The following BPTF variants were observed in gnomAD, a reference collection of about 807,000 sequenced individuals.
BPTF encodes nucleosome-remodeling factor subunit BPTF.
BPTF carries 18 observed loss-of-function variants against 292.5 expected under a neutral mutation model. That is an observed-to-expected ratio of 0.06 (90% CI 0.04 to 0.09). The LOEUF (loss-of-function observed/expected upper bound fraction) is 0.09, where lower values mean the gene tolerates loss of function less well. Ranked by LOEUF, BPTF falls within the 10% of genes least tolerant of loss-of-function variation. The pLI is 1.00. For missense variants in BPTF, 2,726 were observed against 3,498.7 expected, an observed-to-expected ratio of 0.78 and a Z score of 5.57; for synonymous variants, 1,225 against 1,251.9, an observed-to-expected ratio of 0.98 and a Z score of 0.45.
chr17:67,850,140 A>G (rs1231672717), intron 1 of BPTF, among the ~76,000 whole-genome samples: 2 of 152,206 alleles, frequency 1.3e-5, no homozygotes, highest in African/African-American at 2.4e-5. Context: ...ATGGGCTAGC[A>G]CTTTCAAAAC....
At chr17:67,932,120 A>T in intron 18 of BPTF, 101 bp downstream of exon 18, 1 of 961,026 alleles carries the variant, frequency 1.0e-6, no homozygotes, top group East Asian at 2.6e-5. Context: ...TATAATTTTA[A>T]TTAGTACTTC....
intron 3 of BPTF, among the ~76,000 whole-genome samples, chr17:67,870,797 T>C (rs1189457979): frequency 9.3e-6 from 1 of 107,244 alleles, no homozygotes; most frequent in East Asian, 2.5e-4. Flanking sequence ...TGAGACGGAG[T>C]CTCGCTCTGT....
intron 8 of BPTF, 36 bp downstream of exon 8, chr17:67,903,954 C>T (rs374215371): frequency 4.6e-4 from 702 of 1,536,858 alleles, no homozygotes; most frequent in Non-Finnish European, 5.9e-4. Context: ...ATAGTGTTAG[C>T]CATTTCTGAG....
intron 4 of BPTF, among the ~76,000 whole-genome samples, chr17:67,890,796 A>G (rs890145075): frequency 6.6e-6 from 1 of 152,172 alleles, no homozygotes; most frequent in South Asian, 2.1e-4. Flanking sequence ...GTTTTTCTCT[A>G]TTTACTTAAA....
chr17:67,907,746 G>A (rs2062330815), intron 9 of BPTF, among the ~76,000 whole-genome samples: 1 of 152,140 alleles, frequency 6.6e-6, no homozygotes, highest in Non-Finnish European at 1.5e-5. Context: ...TGTTTCACCA[G>A]AAGTTCAATA....
chr17:67,923,565 C>T (rs983724980), intron 14 of BPTF, among the ~76,000 whole-genome samples: 2 of 142,888 alleles, frequency 1.4e-5, no homozygotes, highest in African/African-American at 5.2e-5. Flanking sequence ...TCACTGCAAC[C>T]TCTGCCTCCT....
Position 67,946,002 on chromosome 17 carries a change from G to A in BPTF, c.7294G>A (p.Val2432Ile). Residue 2432 changes from valine (V) to isoleucine (I), a missense_variant, in exon 21 of 28, where the codon GTC (valine) becomes ATC (isoleucine). Physicochemically the swap from Val to Ile is conservative, Grantham distance 29. Around this residue, in one of 22 missense-constraint regions of BPTF, gnomAD observed 570 missense variants for 633.5 expected, o/e 0.90. Coordinates refer to ENST00000306378, the MANE Select transcript of BPTF (RefSeq NM_182641.4). ...ACAAATACAGCAGCCACAGCCCCAA[G>A]TCATTGCTGTGCCTCAGCTGCAACA... The part of the protein sequence containing the change: ...QLQIQQPQPQ[V>I]IAVPQLQQQV... 4 of 1,614,176 alleles carry A rather than the reference G, an allele frequency of 2.5e-6. No homozygotes were observed. Among genetic ancestry groups the A allele is most frequent in the Non-Finnish European group, 2.5e-6 (3 of 1,180,028 alleles).
At chr17:67,962,295 T>C (rs2067588018) in intron 24 of BPTF, among the ~76,000 whole-genome samples, 1 of 152,228 alleles carries the variant, frequency 6.6e-6, no homozygotes, top group Non-Finnish European at 1.5e-5. Flanking sequence ...AGAGTGCCAA[T>C]GGTATCAGCA....
chr17:67,975,688 T>G, intron 26 of BPTF, 84 bp from the exon 27 acceptor site: 2 of 1,275,348 alleles, frequency 1.6e-6, no homozygotes, highest in South Asian at 3.0e-5. Flanking sequence ...ACAGTAAACA[T>G]ATATACTTGT....
At chr17:67,863,109 C>T (rs1230156409) in intron 2 of BPTF, among the ~76,000 whole-genome samples, 1 of 152,066 alleles carries the variant, frequency 6.6e-6, no homozygotes, top group Non-Finnish European at 1.5e-5. Flanking sequence ...AATTTATTGT[C>T]TCACAGTCCT....
chr17:67,912,653 C>T lies in BPTF; in HGVS notation c.4769C>T (p.Thr1590Met), dbSNP rs569891539. 49 of 1,614,040 alleles carry T rather than the reference C, an allele frequency of 3.0e-5. No homozygotes were observed. The African/African-American group carries it at 3.6e-4, about 12-fold the overall frequency. Residue 1590 changes from threonine (T) to methionine (M), a missense_variant, in exon 11 of 28, where the codon ACG becomes ATG. Coordinates refer to ENST00000306378, the MANE Select transcript of BPTF (RefSeq NM_182641.4). Reference protein sequence around the residue: ...KRKTVITEVTTMTSTVATESK... With the variant: ...KRKTVITEVTMMTSTVATESK... ...AAAACCGTCATCACAGAAGTCACCA[C>T]GATGACCTCCACAGTGGCCACAGAA...
chr17:67,878,274 T>C lies in BPTF; in HGVS notation c.1864+3254T>C, dbSNP rs76630910. Among the ~76,000 whole-genome samples the C allele has an allele frequency of 3.3e-5, 5 of 152,366 alleles. No individual in the cohort carries two copies. The East Asian group carries it at 7.7e-4, about 23-fold the overall frequency. The stretch of plus-strand genomic sequence containing the variant: ...AGTATGATATTCCATTATATAGATA[T>C]GTCATGATTCTTGTTACATTTTGGT... On this transcript the variant is annotated intron_variant, in intron 4 of 27. Transcript: ENST00000306378.
chr17:67,919,978 A>G (rs756855574), intron 12 of BPTF, 37 bp from the exon 13 acceptor site: 1 of 1,572,340 alleles, frequency 6.4e-7, no homozygotes, highest in African/African-American at 1.4e-5. Context: ...TGAGTATTTC[A>G]GTTGGTTATT....
At position 67,983,404 on chromosome 17, in the gene BPTF, A is replaced by T. The variant is rs1382067847; in HGVS notation, c.*1116A>T. The T allele has an allele frequency of 2.6e-5, 4 of 152,656 alleles. No homozygotes were observed. Among genetic ancestry groups the T allele is most frequent in the African/African-American group, 9.6e-5 (4 of 41,458 alleles). 9.5% of individuals were successfully genotyped at this position (152,656 alleles called of 1,614,324 possible). On this transcript the variant is annotated 3_prime_UTR_variant, in exon 28 of 28. Transcript: ENST00000306378. ...ATGCGACAAGATACACATTGCCTTC[A>T]TCTGTACATTCTGTGATACCAGGCA... is the stretch of plus-strand genomic sequence containing the variant.
chr17:67,910,282 T>C (rs2062562832), intron 10 of BPTF, among the ~76,000 whole-genome samples: 2 of 152,228 alleles, frequency 1.3e-5, no homozygotes, highest in Admixed American at 1.3e-4. Flanking sequence ...ATTGGGCTGT[T>C]TCCTCTTTTG....
chr17:67,832,819 G>A (rs1298788845), intron 1 of BPTF, among the ~76,000 whole-genome samples: 44 of 123,794 alleles, frequency 3.6e-4, no homozygotes, highest in African/African-American at 1.2e-3. Context: ...GCAGAGTCTC[G>A]CTCTGTCACC....
chr17:67,904,468 T>C (rs1443055495), intron 8 of BPTF, among the ~76,000 whole-genome samples: 3 of 152,374 alleles, frequency 2.0e-5, no homozygotes, highest in African/African-American at 7.2e-5. Context: ...ACTGTAAAAT[T>C]GTGTTACATT....
rs773578597 is a variant in BPTF at position 67,893,480 on chromosome 17, T to C, written c.2166T>C (p.Tyr722=). 1.2e-6 allele frequency: 2 copies of C among 1,613,990 alleles called. No homozygotes were observed. The highest frequency in any genetic ancestry group is 2.7e-5 in the African/African-American group (2 of 74,916). ...TTAAATTGGGTCAAGAAGGGAAGTA[T>C]CGCGTCTACCACAATCAATACTCCA... The part of the protein sequence containing the change: ...NYFKLGQEGK[Y]RVYHNQYSTN... The change falls in exon 6 of 28, where the codon TAT becomes TAC. Residue 722 remains tyrosine, a synonymous_variant. Coordinates refer to ENST00000306378, the MANE Select transcript of BPTF (RefSeq NM_182641.4).
chr17:67,944,544 C>G (rs893285050), intron 20 of BPTF, 172 bp downstream of exon 20: 2 of 669,728 alleles, frequency 3.0e-6, no homozygotes, highest in Non-Finnish European at 5.0e-6. Context: ...GTACCCTATT[C>G]TTACAGACTC....
Sources: gnomAD v4.1 joint callset for allele counts (sites outside exome capture counted in the v4.1 genomes callset) on GRCh38, gnomAD v4.1.1 for gene constraint, gnomAD v4.1.1 regional missense constraint, MANE v1.5 for transcripts, NCBI Gene and HGNC (gene_info 2026-07-23, HGNC 2026-07-21) for gene names.